Variants in TMEM64 observed in about 807,000 individuals in gnomAD.
TMEM64 encodes the protein transmembrane protein 64.
A neutral mutation model predicts 24.5 loss-of-function variants in TMEM64; 19 were observed. The ratio of observed to expected loss-of-function variants is 0.78; its 90% CI spans 0.54 to 1.14. TMEM64 has a LOEUF of 1.14. Among genes scored for constraint, TMEM64 ranks in the 50% most tolerant of loss-of-function variants. The probability of loss-of-function intolerance (pLI) is 0.00; values close to 1 mark genes in which losing one functional copy is unlikely to be tolerated. For synonymous variants in TMEM64, 262 were observed against 224.7 expected (o/e 1.17, Z -1.49); for missense variants, 487 against 493.0 (o/e 0.99, Z 0.12).
In TMEM64 at chr8:90,624,713, TGTTTTTAAAGCTTG is replaced by T. The variant is rs1237301280; in HGVS notation, c.*944_*957del. On this transcript the variant is annotated 3_prime_UTR_variant, in exon 3 of 3. Coordinates refer to ENST00000458549, the MANE Select transcript of TMEM64 (RefSeq NM_001008495.4). Reference sequence around the variant, plus strand: ...TATGTACTTCATGAAATTATAAACATGTTTTTAAAGCTTGGTTTTTAAAAAAGGCGTTTTGATCA... The same window carrying T: ...TATGTACTTCATGAAATTATAAACATGTTTTTAAAAAAGGCGTTTTGATCA... The T allele has an allele frequency of 1.3e-5, 2 of 152,550 alleles. No homozygotes were observed. Among genetic ancestry groups the T allele is most frequent in the Non-Finnish European group, 2.9e-5 (2 of 67,960 alleles). The allele number at this position is 152,550 out of a possible 1,614,324, so 9.4% of individuals were successfully genotyped here.
chr8:90,623,942 A>G lies in TMEM64; in HGVS notation c.*1729T>C, dbSNP rs924539376. ...CAGCAACTAGATTCAAAAGAGAGAA[A>G]AAAAACCGAAATGAGTAATTAGGAT... On this transcript the variant is annotated 3_prime_UTR_variant, in exon 3 of 3. Transcript: ENST00000458549. 4 of 151,808 alleles carry G rather than the reference A, an allele frequency of 2.6e-5. No individual in the cohort carries two copies. The highest frequency in any genetic ancestry group is 4.2e-4 in the South Asian group (2 of 4,814). The allele number at this position is 151,808 out of a possible 1,614,324, so 9.4% of individuals were successfully genotyped here.
intron 1 of TMEM64, among the ~76,000 whole-genome samples, chr8:90,644,737 T>G (rs1447933280): frequency 1.3e-5 from 2 of 152,198 alleles, no homozygotes; most frequent in African/African-American, 4.8e-5. Context: ...GATGTATTTA[T>G]GTAAGCAAGA....
chr8:90,638,619 C>T (rs1026925858), intron 1 of TMEM64, among the ~76,000 whole-genome samples: 7 of 152,234 alleles, frequency 4.6e-5, no homozygotes, highest in Middle Eastern at 3.4e-3. Context: ...GTCCCTAGAT[C>T]TTAACAAATG....
At chr8:90,626,615 CT>C (rs147727888) in intron 2 of TMEM64, among the ~76,000 whole-genome samples, 8,676 of 139,886 alleles carry the variant, frequency 0.062, 404 homozygotes, top group African/African-American at 0.14. Flanking sequence ...TCCCTCTGTA[CT>C]TTTTTTTTCT....
At chr8:90,643,958 C>T (rs1438343256) in intron 1 of TMEM64, among the ~76,000 whole-genome samples, 1 of 152,178 alleles carries the variant, frequency 6.6e-6, no homozygotes, top group African/African-American at 2.4e-5. Context: ...TTAATTTCAT[C>T]ACAAAGAGGC....
chr8:90,632,085 C>A (rs1809447962), intron 1 of TMEM64, among the ~76,000 whole-genome samples: 2 of 152,176 alleles, frequency 1.3e-5, no homozygotes, highest in African/African-American at 2.4e-5. Flanking sequence ...AGCTTTGAAG[C>A]CAGATAACCC....
Position 90,645,317 on chromosome 8 carries a change from G to A in TMEM64, c.589C>T (p.Leu197=). Residue 197 remains leucine (L), a synonymous_variant, in exon 1 of 3, where the codon CTG becomes TTG. Coordinates refer to ENST00000458549, the MANE Select transcript of TMEM64 (RefSeq NM_001008495.4). This position sits in a 1 kb window ranked among gnomAD's most constrained non-coding sequence, Gnocchi z 4.2. ...YLYGFVLGMG[L]MMVGVLIGTF... ...CCGATGAGGACGCCCACCATCATCA[G>A]ACCCATGCCCAGCACGAAGCCGTAC... 6.4e-7 allele frequency: 1 copy of A among 1,571,550 alleles called. No individual in the cohort carries two copies. The highest frequency in any genetic ancestry group is 8.6e-7 in the Non-Finnish European group (1 of 1,158,068).
In TMEM64 at chr8:90,625,804, T is replaced by C. The variant is rs988781595; in HGVS notation, c.1010A>G (p.Asn337Ser). The C allele has an allele frequency of 1.2e-5, 19 of 1,613,860 alleles. No homozygotes were observed. The highest frequency in any genetic ancestry group is 1.5e-5 in the Non-Finnish European group (18 of 1,179,930). The stretch of plus-strand genomic sequence containing the variant: ...CATTTCACAAGCTACAATAGCTGCA[T>C]TCAATTCCACTTGAGCTCGATGAAC... ...YVVHRAQVEL[N>S]AAIVACEMEL... Residue 337 changes from asparagine to serine, a missense_variant, in exon 3 of 3, where the codon AAT becomes AGT. Transcript: ENST00000458549.
chr8:90,645,369 G>A lies in TMEM64; in HGVS notation c.537C>T (p.Ile179=), dbSNP rs1207454589. 3 of 1,552,162 alleles carry A rather than the reference G, an allele frequency of 1.9e-6. No individual in the cohort carries two copies. The highest frequency in any genetic ancestry group is 3.9e-5 in the Admixed American group (2 of 51,030). ...VVSFPCGWGY[I]VLNVAAGYLY... is the part of the protein sequence containing the mutation. ...GGTAGCCAGCGGCCACGTTGAGCAC[G>A]ATGTAGCCCCAGCCGCAGGGGAAAG... Residue 179 remains isoleucine, a synonymous_variant, in exon 1 of 3, where the codon ATC becomes ATT. Transcript: ENST00000458549. This position sits in a 1 kb window ranked among gnomAD's most constrained non-coding sequence, Gnocchi z 4.2.
intron 2 of TMEM64, among the ~76,000 whole-genome samples, chr8:90,629,818 T>C (rs1016299255): frequency 3.9e-5 from 6 of 152,134 alleles, no homozygotes; most frequent in Non-Finnish European, 5.9e-5. Flanking sequence ...AAGCAAGTAC[T>C]CTTATTGATA....
chr8:90,645,799 C>G lies in TMEM64; in HGVS notation c.107G>C (p.Gly36Ala), dbSNP rs1445283457. 2.0e-6 allele frequency: 2 copies of G among 1,024,996 alleles called. No individual in the cohort carries two copies. The highest frequency in any genetic ancestry group is 3.5e-5 in the African/African-American group (2 of 57,714). The allele number at this position is 1,024,996 out of a possible 1,614,324, so 63.5% of individuals were successfully genotyped here. A position where few individuals can be genotyped will look rare whatever the true frequency, so the allele number is the denominator to read the frequency against. ...GTCCGCCGGGCCGTCCCCGCCCGCA[C>G]CCCGCGGCAGGGCCCAGCGGGCCGG... ...ELPARWALPR[G>A]AGGDGPADRL... is the part of the protein sequence containing the mutation. The change falls in exon 1 of 3, where the codon GGT becomes GCT. Residue 36 changes from glycine to alanine, a missense_variant. Transcript: ENST00000458549. This position sits in a 1 kb window ranked among gnomAD's most constrained non-coding sequence, Gnocchi z 4.2.
At chr8:90,640,284 TC>T (rs1339428762) in intron 1 of TMEM64, among the ~76,000 whole-genome samples, 1 of 152,202 alleles carries the variant, frequency 6.6e-6, no homozygotes, top group Admixed American at 6.5e-5. Context: ...ACCGATCATA[TC>T]TTTTTTTGAA....
At chr8:90,640,083 T>G (rs1196828994) in intron 1 of TMEM64, among the ~76,000 whole-genome samples, 1 of 152,202 alleles carries the variant, frequency 6.6e-6, no homozygotes, top group Non-Finnish European at 1.5e-5. Flanking sequence ...TCTCAGGATG[T>G]GCACTGAGAT....
intron 2 of TMEM64, among the ~76,000 whole-genome samples, chr8:90,626,629 C>CTTTTTTTTTTTTT (rs34029067): frequency 2.8e-5 from 3 of 105,822 alleles, no homozygotes; most frequent in African/African-American, 4.0e-5. Flanking sequence ...TTTTTTCTTT[C>CTTTTTTTTTTTTT]TTTTTTTTTT....
At chr8:90,640,730 A>G (rs28568272) in intron 1 of TMEM64, among the ~76,000 whole-genome samples, 52,955 of 152,150 alleles carry the variant, frequency 0.35, 10,046 homozygotes, top group East Asian at 0.73. Flanking sequence ...ATGCAAACTC[A>G]AAGAAAACTT....
At chr8:90,632,074 G>A (rs1809447828) in intron 1 of TMEM64, among the ~76,000 whole-genome samples, 1 of 152,168 alleles carries the variant, frequency 6.6e-6, no homozygotes, top group Non-Finnish European at 1.5e-5. Flanking sequence ...TGTGGTCGCT[G>A]AGCTTTGAAG....
chr8:90,642,315 C>A (rs1284900712), intron 1 of TMEM64, among the ~76,000 whole-genome samples: 2 of 152,062 alleles, frequency 1.3e-5, no homozygotes, highest in Non-Finnish European at 2.9e-5. Context: ...ATTTCCAAAG[C>A]CTGGGCCTCA....
At chr8:90,639,747 C>T (rs915223175) in intron 1 of TMEM64, among the ~76,000 whole-genome samples, 4 of 152,042 alleles carry the variant, frequency 2.6e-5, no homozygotes, top group African/African-American at 7.2e-5. Flanking sequence ...AAAATAAACA[C>T]GAAAATGTTA....
intron 2 of TMEM64, among the ~76,000 whole-genome samples, chr8:90,626,810 A>C (rs1446421216): frequency 6.6e-6 from 1 of 151,652 alleles, no homozygotes; most frequent in Non-Finnish European, 1.5e-5. Context: ...TTGTATTTTT[A>C]GTAGAGACGG....
Sources: allele counts gnomAD v4.1 joint callset (sites outside exome capture counted in the v4.1 genomes callset), GRCh38; gene constraint gnomAD v4.1.1; non-coding constraint Gnocchi (gnomAD v3.1); transcripts MANE v1.5; gene names NCBI Gene and HGNC (gene_info 2026-07-23, HGNC 2026-07-21).